Variants in ZNF26 observed in about 807,000 individuals in gnomAD.
ZNF26 encodes epididymis luminal protein 179.
Under a neutral mutation model 54.9 loss-of-function variants are expected in ZNF26, and 32 were observed. The observed-to-expected ratio is 0.58, with a 90% CI of 0.44 to 0.78. The LOEUF is 0.78. ZNF26 is among the 30% of genes least tolerant of loss of function. ZNF26 has a pLI of 0.00. For missense variants in ZNF26, 524 were observed against 634.0 expected (o/e 0.83, Z 1.86); for synonymous variants, 221 against 209.2 (o/e 1.06, Z -0.49).
rs993457120 is a variant in ZNF26 at position 132,986,753 on chromosome 12, C to G, written c.-88C>G. 3 of 1,455,588 alleles carry G rather than the reference C, an allele frequency of 2.1e-6. No individual in the cohort carries two copies. The African/African-American group carries it at 4.2e-5, about 20-fold the overall frequency. 90.2% of individuals were successfully genotyped at this position (1,455,588 alleles called of 1,614,324 possible). ...AGGAGCCTGGGGCCCTGGTCCCGCA[C>G]CTGTCTTCGGGCGGACGCATCCCTC... On this transcript the variant is annotated 5_prime_UTR_variant, in exon 1 of 4. Transcript: ENST00000328654.
Position 133,001,800 on chromosome 12 carries a change from G to C in ZNF26, c.34-5242G>C. 1 of 894,782 alleles carries C rather than the reference G, an allele frequency of 1.1e-6. No individual in the cohort carries two copies. Among genetic ancestry groups the C allele is most frequent in the Non-Finnish European group, 1.6e-6 (1 of 631,598 alleles). 55.4% of individuals were successfully genotyped at this position (894,782 alleles called of 1,614,324 possible). ...AACCCTCACTCCCCAGCTGCCTTTT[G>C]AGAGTCCCGCGGCAGTCTTTGCCTT... On this transcript the variant is annotated intron_variant, in intron 1 of 3. Coordinates refer to ENST00000328654, the MANE Select transcript of ZNF26 (RefSeq NM_019591.4). This position sits in a 1 kb window ranked among gnomAD's most constrained non-coding sequence, Gnocchi z 4.7.
chr12:133,010,744 A>G lies in ZNF26; in HGVS notation c.865A>G (p.Ser289Gly), dbSNP rs1953452287. ...SHTGVKPYEC[S>G]ECGKAFSLKS... ...CACAGGAGTGAAACCGTATGAATGC[A>G]GCGAATGTGGGAAAGCCTTTAGTTT... is the stretch of plus-strand genomic sequence containing the variant. The change falls in exon 4 of 4, where the codon AGC (serine) becomes GGC (glycine). Residue 289 changes from serine to glycine, a missense_variant. By Grantham distance (56) the Ser-to-Gly change is moderately conservative. Transcript: ENST00000328654. 1.2e-6 allele frequency: 2 copies of G among 1,613,516 alleles called. No homozygotes were observed. The highest frequency in any genetic ancestry group is 2.7e-5 in the African/African-American group (2 of 74,936).
intron 1 of ZNF26, among the ~76,000 whole-genome samples, chr12:132,988,915 T>C (rs2137205635): frequency 6.6e-6 from 1 of 152,286 alleles, no homozygotes; most frequent in South Asian, 2.1e-4. Flanking sequence ...TATTGTGTTT[T>C]TTATTTCAAA....
At chr12:133,008,675 C>A (rs1320182993) in intron 3 of ZNF26, among the ~76,000 whole-genome samples, 1 of 149,542 alleles carries the variant, frequency 6.7e-6, no homozygotes, top group East Asian at 2.0e-4. Context: ...ACTCAGGAGG[C>A]TGAGGCAGGA....
chr12:132,990,866 T>C (rs1352487853), intron 1 of ZNF26, among the ~76,000 whole-genome samples: 2 of 152,050 alleles, frequency 1.3e-5, no homozygotes, highest in Non-Finnish European at 2.9e-5. Flanking sequence ...TCCTTTTTTC[T>C]TTTTATTTTT....
chr12:133,018,078 G>A lies in ZNF26; in HGVS notation c.*6597G>A, dbSNP rs1953592213. On this transcript the variant is annotated 3_prime_UTR_variant, in exon 4 of 4. Coordinates refer to ENST00000328654, the MANE Select transcript of ZNF26 (RefSeq NM_019591.4). ...ACTGTTTGGACTATAACATACAGAA[G>A]TGTAATATGTCTACCAATAACACCA... 1 of 152,188 alleles carries A rather than the reference G, an allele frequency of 6.6e-6. No homozygotes were observed. The highest frequency in any genetic ancestry group is 1.5e-5 in the Non-Finnish European group (1 of 68,036). 9.4% of individuals were successfully genotyped at this position (152,188 alleles called of 1,614,324 possible).
Position 132,986,654 on chromosome 12 carries a change from A to AG in ZNF26, c.-186dup. On this transcript the variant is annotated 5_prime_UTR_variant, in exon 1 of 4. Transcript: ENST00000328654. ...TGGTACCCAGACCGGGAGGTTGTCTAGTCACGCGCGGTCTGTGTTGGGCGA... is the reference window on the plus strand; with the variant it reads ...TGGTACCCAGACCGGGAGGTTGTCTAGGTCACGCGCGGTCTGTGTTGGGCGA... 1 of 611,350 alleles carries AG rather than the reference A, an allele frequency of 1.6e-6. No individual in the cohort carries two copies. The highest frequency in any genetic ancestry group is 1.9e-5 in the South Asian group (1 of 51,722). The allele number at this position is 611,350 out of a possible 1,614,324, so 37.9% of individuals were successfully genotyped here.
intron 1 of ZNF26, chr12:132,987,769 G>A (rs2137202434): frequency 1.0e-6 from 1 of 981,362 alleles, no homozygotes; most frequent in African/African-American, 1.7e-5. Flanking sequence ...GAGGACCGAG[G>A]TGAGGACTCA....
intron 1 of ZNF26, among the ~76,000 whole-genome samples, chr12:133,002,697 C>G (rs1953245233): frequency 6.6e-6 from 1 of 151,992 alleles, no homozygotes; most frequent in Admixed American, 6.6e-5. Flanking sequence ...GATTTCTACT[C>G]ACTGCAACCT....
intron 1 of ZNF26, among the ~76,000 whole-genome samples, chr12:132,994,855 T>C (rs76980073): frequency 0.014 from 2,109 of 152,262 alleles, 41 homozygotes; most frequent in African/African-American, 0.048. Flanking sequence ...TTCTTTGTTG[T>C]GGAGGAACGT....
chr12:133,010,283 T>G lies in ZNF26; in HGVS notation c.404T>G (p.Leu135Trp). 2 of 1,614,010 alleles carry G rather than the reference T, an allele frequency of 1.2e-6. No homozygotes were observed. Among genetic ancestry groups the G allele is most frequent in the African/African-American group, 1.3e-5 (1 of 74,994 alleles). ...QRLYNTRGKS[L>W]TQNSAPSRSY... ...CTCTATAACACACGTGGAAAAAGTT[T>G]GACACAAAACTCAGCTCCAAGCAGA... Residue 135 changes from leucine (L) to tryptophan (W), a missense_variant, in exon 4 of 4, where the codon TTG becomes TGG. Leu to Trp is a moderately conservative substitution (Grantham distance 61). Transcript: ENST00000328654.
At position 133,017,834 on chromosome 12, in the gene ZNF26, C is replaced by G. The variant is rs991513953; in HGVS notation, c.*6353C>G. The G allele has an allele frequency of 1.2e-4, 18 of 152,100 alleles. No individual in the cohort carries two copies. The highest frequency in any genetic ancestry group is 2.0e-4 in the Admixed American group (3 of 15,244). The allele number at this position is 152,100 out of a possible 1,614,324, so 9.4% of individuals were successfully genotyped here. A position where few individuals can be genotyped will look rare whatever the true frequency, so the allele number is the denominator to read the frequency against. ...ACCATCCTCACTAACATGGTGAAAC[C>G]CCATCTCTATTAAAAACACAAAAAA... is the stretch of plus-strand genomic sequence containing the variant. On this transcript the variant is annotated 3_prime_UTR_variant, in exon 4 of 4. Transcript: ENST00000328654.
At position 133,011,670 on chromosome 12, in the gene ZNF26, TGGAA is replaced by T. The variant is rs1441834464; in HGVS notation, c.*194_*197del. ...TACAAATCTTTGTAGATGAAAATAA[TGGAA>T]GGAATGTGGAGCAATAAATGTATCA... On this transcript the variant is annotated 3_prime_UTR_variant, in exon 4 of 4. Coordinates refer to ENST00000328654, the MANE Select transcript of ZNF26 (RefSeq NM_019591.4). 1 of 464,316 alleles carries T rather than the reference TGGAA, an allele frequency of 2.2e-6. No individual in the cohort carries two copies. The highest frequency in any genetic ancestry group is 3.7e-6 in the Non-Finnish European group (1 of 273,846). The allele number at this position is 464,316 out of a possible 1,614,324, so 28.8% of individuals were successfully genotyped here. A position where few individuals can be genotyped will look rare whatever the true frequency, so the allele number is the denominator to read the frequency against.
At chr12:132,999,632 CTT>C (rs1318444530) in intron 1 of ZNF26, among the ~76,000 whole-genome samples, 2 of 152,024 alleles carry the variant, frequency 1.3e-5, no homozygotes, top group African/African-American at 4.8e-5. Context: ...GGAAGAAACA[CTT>C]TATTGTGTCA....
rs1016279032 is a variant in ZNF26 at position 132,999,915 on chromosome 12, C to G, written c.34-7127C>G. On this transcript the variant is annotated intron_variant, in intron 1 of 3. Transcript: ENST00000328654. Reference sequence around the variant, plus strand: ...AAACTCCTGACCTCAAATGATCTGCCCACCTCAGCCTCTGAAAGTGCTGGG... The same window carrying G: ...AAACTCCTGACCTCAAATGATCTGCGCACCTCAGCCTCTGAAAGTGCTGGG... 2.8e-3 allele frequency among the ~76,000 whole-genome samples: 432 copies of G among 152,166 alleles called. 2 individuals are homozygous for G. The highest frequency in any genetic ancestry group is 9.8e-3 in the African/African-American group (408 of 41,486).
rs1953570935 is a variant in ZNF26, at chr12:133,016,665, C to T, written c.*5184C>T. ...GGATGGTGGCTTAGGGCTGTGGTCC[C>T]AGCTACTCTGGAGGCTGAGGCAGGA... On this transcript the variant is annotated 3_prime_UTR_variant, in exon 4 of 4. Coordinates refer to ENST00000328654, the MANE Select transcript of ZNF26 (RefSeq NM_019591.4). The T allele has an allele frequency of 6.6e-6, 1 of 151,580 alleles. No individual in the cohort carries two copies. The highest frequency in any genetic ancestry group is 2.4e-5 in the African/African-American group (1 of 41,212). The allele number at this position is 151,580 out of a possible 1,614,324, so 9.4% of individuals were successfully genotyped here.
At chr12:132,998,782 C>G (rs1034488899) in intron 1 of ZNF26, among the ~76,000 whole-genome samples, 7 of 152,248 alleles carry the variant, frequency 4.6e-5, no homozygotes, top group Non-Finnish European at 1.0e-4. Flanking sequence ...CCATTTGAGG[C>G]CTTGATAAAA....
chr12:133,023,410 T>C lies in ZNF26; in HGVS notation c.*11929T>C, dbSNP rs1450386511. 3.3e-5 allele frequency: 5 copies of C among 152,308 alleles called. No homozygotes were observed. The highest frequency in any genetic ancestry group is 1.2e-4 in the African/African-American group (5 of 41,572). The allele number at this position is 152,308 out of a possible 1,614,324, so 9.4% of individuals were successfully genotyped here. On this transcript the variant is annotated 3_prime_UTR_variant, in exon 4 of 4. Coordinates refer to ENST00000328654, the MANE Select transcript of ZNF26 (RefSeq NM_019591.4). ...GCAGTATTAGAGAATTTTTAAAATA[T>C]AGATTACTTCCAAATTCACCTAGAA...
intron 1 of ZNF26, among the ~76,000 whole-genome samples, chr12:132,991,046 A>G (rs1256078852): frequency 1.3e-5 from 2 of 151,006 alleles, no homozygotes; most frequent in African/African-American, 2.4e-5. Context: ...TTTAGTAGAG[A>G]CAGGGTTTCA....
Sources: allele counts gnomAD v4.1 joint callset (sites outside exome capture counted in the v4.1 genomes callset), GRCh38; gene constraint gnomAD v4.1.1; non-coding constraint Gnocchi (gnomAD v3.1); transcripts MANE v1.5; gene names NCBI Gene and HGNC (gene_info 2026-07-23, HGNC 2026-07-21).